Variants in DNAJC17 observed in about 807,000 individuals in gnomAD.
DNAJC17 encodes the protein DnaJ heat shock protein family (Hsp40) member C17.
A neutral mutation model predicts 48.1 loss-of-function variants in DNAJC17; 35 were observed. The observed-to-expected ratio is 0.73, with a 90% CI of 0.56 to 0.96. DNAJC17 has a LOEUF of 0.96. Among genes scored for constraint, DNAJC17 ranks in the 50% least tolerant of loss-of-function variants. The probability of loss-of-function intolerance (pLI) is 0.00; values close to 1 mark genes in which losing one functional copy is unlikely to be tolerated. For synonymous variants in DNAJC17, 117 were observed against 142.7 expected, an observed-to-expected ratio of 0.82 and a Z score of 1.28; for missense variants, 355 against 377.1, an observed-to-expected ratio of 0.94 and a Z score of 0.48.
chr15:40,792,068 C>T (rs1226601388), intron 1 of DNAJC17, among the ~76,000 whole-genome samples: 3 of 152,306 alleles, frequency 2.0e-5, no homozygotes, highest in East Asian at 1.9e-4. Context: ...TCATCTCCTG[C>T]GACCTCCTCA....
chr15:40,774,416 C>A lies in DNAJC17; in HGVS notation c.621G>T (p.Leu207=). The change falls in exon 9 of 11, where the codon CTG becomes CTT. Residue 207 remains leucine (L), a synonymous_variant. Coordinates refer to ENST00000220496, the MANE Select transcript of DNAJC17 (RefSeq NM_018163.3). Reference sequence around the variant, plus strand: ...TGCCTGGCTTCTTACTGGAAAGCACCAGGTTGAGAACCTCACCATACTGTG... The same window carrying A: ...TGCCTGGCTTCTTACTGGAAAGCACAAGGTTGAGAACCTCACCATACTGTG... ...LLQKYGEVLN[L]VLSSKKPGTA... is the part of the protein sequence containing the mutation. 1 of 1,614,040 alleles carries A rather than the reference C, an allele frequency of 6.2e-7. No individual in the cohort carries two copies. Among genetic ancestry groups the A allele is most frequent in the Non-Finnish European group, 8.5e-7 (1 of 1,180,016 alleles).
At chr15:40,771,625 T>A (rs923179848) in intron 10 of DNAJC17, 1 of 170,274 alleles carries the variant, frequency 5.9e-6, no homozygotes, top group Non-Finnish European at 1.4e-5. Flanking sequence ...ATAAATAAAA[T>A]TAACAGTTCA....
chr15:40,765,806 C>T lies in DNAJC17; in HGVS notation c.*2134G>A, dbSNP rs377583562. 4 of 1,382,024 alleles carry T rather than the reference C, an allele frequency of 2.9e-6. No individual in the cohort carries two copies. Among genetic ancestry groups the T allele is most frequent in the Non-Finnish European group, 3.0e-6 (3 of 997,828 alleles). The allele number at this position is 1,382,024 out of a possible 1,614,324, so 85.6% of individuals were successfully genotyped here. A position where few individuals can be genotyped will look rare whatever the true frequency, so the allele number is the denominator to read the frequency against. On this transcript the variant is annotated 3_prime_UTR_variant, in exon 11 of 11. Transcript: ENST00000220496. Reference sequence around the variant, plus strand: ...CTCCTCCTGGCAGCCAGCCAAGCAGCCACTGTGGCTTACCTTGCAGGAGGT... The same window carrying T: ...CTCCTCCTGGCAGCCAGCCAAGCAGTCACTGTGGCTTACCTTGCAGGAGGT...
At chr15:40,775,341 A>T (rs1056581314) in intron 7 of DNAJC17, 1 of 718,862 alleles carries the variant, frequency 1.4e-6, no homozygotes, top group Non-Finnish European at 2.4e-6. Context: ...GCTTCTAGAG[A>T]ATCCTCTGCC....
intron 10 of DNAJC17, among the ~76,000 whole-genome samples, chr15:40,768,366 G>C (rs1038345691): frequency 1.3e-5 from 2 of 152,124 alleles, no homozygotes; most frequent in Non-Finnish European, 2.9e-5. Flanking sequence ...CCAGGCCCTC[G>C]TCTCCCTTCA....
At position 40,767,184 on chromosome 15, in the gene DNAJC17, C is replaced by CT. The variant is rs1888967159; in HGVS notation, c.*755dup. The CT allele has an allele frequency of 6.9e-7, 1 of 1,452,562 alleles. No individual in the cohort carries two copies. The highest frequency in any genetic ancestry group is 1.5e-5 in the South Asian group (1 of 65,330). 90.0% of individuals were successfully genotyped at this position (1,452,562 alleles called of 1,614,324 possible). A position where few individuals can be genotyped will look rare whatever the true frequency, so the allele number is the denominator to read the frequency against. Reference sequence around the variant, plus strand: ...ACACTAGCTTTGTACCAGGAGCTTGCTGTGTGCCCCTCCTCACCCCCCCCA... The same window carrying CT: ...ACACTAGCTTTGTACCAGGAGCTTGCTTGTGTGCCCCTCCTCACCCCCCCCA... On this transcript the variant is annotated 3_prime_UTR_variant, in exon 11 of 11. Coordinates refer to ENST00000220496, the MANE Select transcript of DNAJC17 (RefSeq NM_018163.3).
intron 1 of DNAJC17, among the ~76,000 whole-genome samples, chr15:40,798,031 T>C (rs1596099201): frequency 6.6e-6 from 1 of 152,266 alleles, no homozygotes; most frequent in African/African-American, 2.4e-5. Context: ...TCAAACAAAT[T>C]TCTAACCCAC....
chr15:40,788,237 A>G (rs1252567453), intron 1 of DNAJC17, among the ~76,000 whole-genome samples: 1 of 152,176 alleles, frequency 6.6e-6, no homozygotes, highest in Non-Finnish European at 1.5e-5. Context: ...CACACGCAGG[A>G]AGCAAACAAC....
rs908615205 is a variant in DNAJC17, at chr15:40,765,587, T to G, written c.*2353A>C. The G allele has an allele frequency of 3.0e-6, 1 of 332,932 alleles. No homozygotes were observed. Among genetic ancestry groups the G allele is most frequent in the Non-Finnish European group, 5.4e-6 (1 of 184,284 alleles). 20.6% of individuals were successfully genotyped at this position (332,932 alleles called of 1,614,324 possible). On this transcript the variant is annotated 3_prime_UTR_variant, in exon 11 of 11. Transcript: ENST00000220496. Reference sequence around the variant, plus strand: ...AGTAGCTGGAACTATAGGCTCGTGATACTTTGCCTGGCTAAAGCTGAGCTT... The same window carrying G: ...AGTAGCTGGAACTATAGGCTCGTGAGACTTTGCCTGGCTAAAGCTGAGCTT...
At chr15:40,807,300 G>A (rs1264918492) in intron 1 of DNAJC17, 69 bp downstream of exon 1, 1 of 1,613,354 alleles carries the variant, frequency 6.2e-7, no homozygotes, top group Admixed American at 1.7e-5. Context: ...TGCCAGCAGT[G>A]GCCGAGGCGC....
chr15:40,788,145 ACGTCTCCCCAAGCC>A (rs1889691160), intron 1 of DNAJC17, among the ~76,000 whole-genome samples: 1 of 152,178 alleles, frequency 6.6e-6, no homozygotes, highest in Non-Finnish European at 1.5e-5. Context: ...TGGGGCAGCC[ACGTCTCCCCAAGCC>A]CGGAGAGGCA....
rs1436677607 is a variant in DNAJC17 at position 40,769,824 on chromosome 15, C to G, written c.793-1762G>C. 1.3e-5 allele frequency: 2 copies of G among 152,454 alleles called. No individual in the cohort carries two copies. The highest frequency in any genetic ancestry group is 2.9e-5 in the Non-Finnish European group (2 of 68,256). The allele number at this position is 152,454 out of a possible 1,614,324, so 9.4% of individuals were successfully genotyped here. ...AAAGCAGGGCTGCCCCCACACGAGT[C>G]CCCAGAGGAATCTTAAGCTCCCCAT... On this transcript the variant is annotated intron_variant, in intron 10 of 10. Transcript: ENST00000220496. The surrounding 1 kb of genome is among the most constrained non-coding windows in gnomAD (Gnocchi z 4.2).
At chr15:40,775,481 A>G in intron 7 of DNAJC17, 72 bp downstream of exon 7, 2 of 1,539,434 alleles carry the variant, frequency 1.3e-6, no homozygotes, top group Non-Finnish European at 1.8e-6. Context: ...CTCGAGCCAC[A>G]GGAAGCATCT....
chr15:40,779,892 G>A (rs777731250), intron 2 of DNAJC17, 36 bp downstream of exon 2: 24 of 1,601,960 alleles, frequency 1.5e-5, no homozygotes, highest in Non-Finnish European at 2.0e-5. Flanking sequence ...CGGGTGAGTG[G>A]GTTTCTTTCT....
intron 1 of DNAJC17, chr15:40,780,592 T>A (rs1018088992): frequency 1.7e-5 from 6 of 349,158 alleles, no homozygotes; most frequent in Non-Finnish European, 2.8e-5. Context: ...GGTGGACAGA[T>A]CACCTGAGGT....
At position 40,767,999 on chromosome 15, in the gene DNAJC17, C is replaced by T. The variant is rs142251536; in HGVS notation, c.856G>A (p.Glu286Lys). ...ATCCGTGCGATCAGCTGTTGCCGCT[C>T]GGCCGCCTGGCGCATGCGCATCATG... ...LVMMRMRQAA[E>K]RQQLIARMQQ... Residue 286 changes from glutamate to lysine, a missense_variant, in exon 11 of 11, where the codon GAG becomes AAG. Physicochemically the swap from Glu to Lys is moderately conservative, Grantham distance 56. This residue lies in a region of DNAJC17 where 88 missense variants were observed against 67.7 expected (regional missense o/e 1.30). Coordinates refer to ENST00000220496, the MANE Select transcript of DNAJC17 (RefSeq NM_018163.3). The T allele has an allele frequency of 2.5e-4, 394 of 1,605,770 alleles. No homozygotes were observed. Among genetic ancestry groups the T allele is most frequent in the Non-Finnish European group, 3.2e-4 (377 of 1,177,654 alleles).
At chr15:40,782,410 G>T (rs1004322109) in intron 1 of DNAJC17, among the ~76,000 whole-genome samples, 1 of 152,020 alleles carries the variant, frequency 6.6e-6, no homozygotes, top group African/African-American at 2.4e-5. Flanking sequence ...GACAGAGCAA[G>T]ACTCTCTCTT....
chr15:40,805,404 G>A (rs544732492), intron 1 of DNAJC17, among the ~76,000 whole-genome samples: 8 of 149,330 alleles, frequency 5.4e-5, no homozygotes, highest in African/African-American at 1.5e-4. Context: ...AAAATTAGCC[G>A]GGCGTGGTGG....
intron 4 of DNAJC17, chr15:40,776,841 C>G (rs1889340889): frequency 1.8e-6 from 1 of 548,548 alleles, no homozygotes; most frequent in Non-Finnish European, 3.3e-6. Flanking sequence ...GGCCAGGGGT[C>G]TGGAAGAGTT....
Sources: gnomAD v4.1 joint callset for allele counts (sites outside exome capture counted in the v4.1 genomes callset) on GRCh38, gnomAD v4.1.1 for gene constraint, gnomAD v4.1.1 regional missense constraint, Gnocchi (gnomAD v3.1) non-coding constraint, MANE v1.5 for transcripts, NCBI Gene and HGNC (gene_info 2026-07-23, HGNC 2026-07-21) for gene names.